The following FAM24B variants were observed in gnomAD, a reference collection of about 807,000 sequenced individuals.
The protein encoded by FAM24B is protein FAM24B.
In FAM24B, 3 loss-of-function variants were observed where a neutral mutation model predicts 2.3. That is an observed-to-expected ratio of 1.29 (90% confidence interval 0.59 to 3.32). FAM24B has a LOEUF of 3.32. Ranked by LOEUF, FAM24B falls within the 30% of genes most tolerant of loss-of-function variation. FAM24B has a pLI of 0.03. For synonymous variants in FAM24B, 36 were observed against 46.3 expected (o/e 0.78, Z 0.90); for missense variants, 98 against 117.2 (o/e 0.84, Z 0.76).
chr10:122,874,558 T>C (rs1847948945), intron 1 of FAM24B, among the ~76,000 whole-genome samples: 1 of 152,192 alleles, frequency 6.6e-6, no homozygotes, highest in South Asian at 2.1e-4. Flanking sequence ...CTTTCAACAT[T>C]GTAAATATTT....
chr10:122,862,064 C>T (rs189755252), intron 1 of FAM24B, among the ~76,000 whole-genome samples: 102 of 152,346 alleles, frequency 6.7e-4, no homozygotes, highest in Non-Finnish European at 9.8e-4. Context: ...CCAGTTGCTT[C>T]CTGCCTCAAG....
chr10:122,858,237 A>G (rs113639054), intron 1 of FAM24B, among the ~76,000 whole-genome samples: 2,262 of 152,236 alleles, frequency 0.015, 53 homozygotes, highest in African/African-American at 0.046. Flanking sequence ...AAAATGATGA[A>G]TTCATGTCCT....
At chr10:122,868,050 T>G (rs1207090489) in intron 1 of FAM24B, among the ~76,000 whole-genome samples, 1 of 151,966 alleles carries the variant, frequency 6.6e-6, no homozygotes, top group African/African-American at 2.4e-5. Flanking sequence ...TGAAAAAAAT[T>G]AGATGAATGG....
At chr10:122,878,005 T>C (rs1010046042) in intron 1 of FAM24B, among the ~76,000 whole-genome samples, 1 of 152,192 alleles carries the variant, frequency 6.6e-6, no homozygotes, top group Non-Finnish European at 1.5e-5. Context: ...AATTATTTGG[T>C]AAAGCTCCAT....
At chr10:122,851,642 T>C (rs949600280) in intron 2 of FAM24B, among the ~76,000 whole-genome samples, 1 of 152,218 alleles carries the variant, frequency 6.6e-6, no homozygotes, top group Admixed American at 6.5e-5. Context: ...AGAAAAGTTT[T>C]AGTTAAGAGT....
intron 1 of FAM24B, among the ~76,000 whole-genome samples, chr10:122,876,506 C>T (rs1847979009): frequency 6.6e-6 from 1 of 152,234 alleles, no homozygotes; most frequent in Non-Finnish European, 1.5e-5. Flanking sequence ...AAAAGTAAAA[C>T]TCCCAAAAGT....
intron 1 of FAM24B, among the ~76,000 whole-genome samples, chr10:122,871,518 G>C (rs971580921): frequency 1.3e-5 from 2 of 151,128 alleles, no homozygotes; most frequent in Non-Finnish European, 3.0e-5. Flanking sequence ...GAGGCATCAC[G>C]CTACCTGACT....
At position 122,856,081 on chromosome 10, in the gene FAM24B, G is replaced by A. The variant is rs551403584; in HGVS notation, c.-177-295C>T. Among the ~76,000 whole-genome samples the A allele has an allele frequency of 3.3e-5, 5 of 152,372 alleles. No homozygotes were observed. The East Asian group carries it at 9.6e-4, about 29-fold the overall frequency. On this transcript the variant is annotated intron_variant, in intron 1 of 3. Transcript: ENST00000368898. ...CCTTTGCCTTTCAACCTCTCCTGCT[G>A]TTCTTGACCTGAACCATATGTGGCT...
intron 1 of FAM24B, among the ~76,000 whole-genome samples, chr10:122,875,367 A>C (rs1232946293): frequency 1.3e-5 from 2 of 152,198 alleles, no homozygotes; most frequent in Non-Finnish European, 2.9e-5. Context: ...TATATCAATC[A>C]TAGCTACCTT....
At chr10:122,868,922 C>A (rs553321178) in intron 1 of FAM24B, among the ~76,000 whole-genome samples, 2 of 152,288 alleles carry the variant, frequency 1.3e-5, no homozygotes, top group East Asian at 3.9e-4. Context: ...GGATAAAATT[C>A]ACACATAACA....
At chr10:122,869,908 A>G (rs1353736680) in intron 1 of FAM24B, among the ~76,000 whole-genome samples, 3 of 152,224 alleles carry the variant, frequency 2.0e-5, no homozygotes, top group Non-Finnish European at 4.4e-5. Flanking sequence ...TTCAAAAGCT[A>G]GCAGAAGGCA....
intron 3 of FAM24B, 57 bp downstream of exon 3, chr10:122,850,367 C>T (rs1847508150): frequency 7.2e-7 from 1 of 1,393,868 alleles, no homozygotes; most frequent in African/African-American, 1.4e-5. Context: ...AAGTGCTATC[C>T]CCTTTTCCCC....
intron 1 of FAM24B, among the ~76,000 whole-genome samples, chr10:122,868,110 G>A (rs1286031300): frequency 6.6e-6 from 1 of 152,194 alleles, no homozygotes; most frequent in Non-Finnish European, 1.5e-5. Flanking sequence ...ACCTGATGGA[G>A]ATGAAAACCA....
chr10:122,870,073 C>A (rs939797787), intron 1 of FAM24B, among the ~76,000 whole-genome samples: 12 of 152,176 alleles, frequency 7.9e-5, no homozygotes, highest in African/African-American at 1.9e-4. Flanking sequence ...AGAAGAATCA[C>A]ATAGACCCAA....
chr10:122,869,755 T>A (rs187656581), intron 1 of FAM24B, among the ~76,000 whole-genome samples: 19 of 152,062 alleles, frequency 1.2e-4, no homozygotes, highest in African/African-American at 4.1e-4. Flanking sequence ...AGACACAGCA[T>A]ACCAGAATCT....
intron 1 of FAM24B, among the ~76,000 whole-genome samples, chr10:122,875,352 C>A (rs1250437484): frequency 6.6e-6 from 1 of 152,120 alleles, no homozygotes; most frequent in African/African-American, 2.4e-5. Context: ...CCATTAGAGC[C>A]CTTATATATC....
chr10:122,864,824 T>C (rs1847777203), intron 1 of FAM24B, among the ~76,000 whole-genome samples: 1 of 152,264 alleles, frequency 6.6e-6, no homozygotes, highest in Non-Finnish European at 1.5e-5. Context: ...ATATAGTATG[T>C]AGCCTTTTAA....
intron 1 of FAM24B, among the ~76,000 whole-genome samples, chr10:122,870,594 C>A (rs1471129306): frequency 2.6e-5 from 4 of 152,194 alleles, no homozygotes; most frequent in East Asian, 1.9e-4. Flanking sequence ...CACCATGATC[C>A]AGTGGGCTTC....
chr10:122,868,121 T>C (rs1345247915), intron 1 of FAM24B, among the ~76,000 whole-genome samples: 1 of 152,132 alleles, frequency 6.6e-6, no homozygotes, highest in East Asian at 1.9e-4. Context: ...ATGAAAACCA[T>C]GGCACGAGAA....
Sources: allele counts gnomAD v4.1 joint callset (sites outside exome capture counted in the v4.1 genomes callset), GRCh38; gene constraint gnomAD v4.1.1; transcripts MANE v1.5; gene names NCBI Gene and HGNC (gene_info 2026-07-23, HGNC 2026-07-21).